Variants in GPR37 observed in about 807,000 individuals in gnomAD.
The protein encoded by GPR37 is G protein-coupled receptor 37, also known as prosaposin receptor GPR37.
GPR37 carries 20 observed loss-of-function variants against 43.6 expected under a neutral mutation model. The observed-to-expected ratio is 0.46, with a 90% CI of 0.32 to 0.67. GPR37 has a LOEUF of 0.67. Among genes scored for constraint, GPR37 ranks in the 30% least tolerant of loss-of-function variants. The pLI is 0.03. For synonymous variants in GPR37, 315 were observed against 322.6 expected, an observed-to-expected ratio of 0.98 and a Z score of 0.25; for missense variants, 724 against 797.2, an observed-to-expected ratio of 0.91 and a Z score of 1.11.
intron 1 of GPR37, among the ~76,000 whole-genome samples, chr7:124,754,775 A>G (rs1020495163): frequency 6.6e-6 from 1 of 152,134 alleles, no homozygotes; most frequent in Non-Finnish European, 1.5e-5. Flanking sequence ...ATGATAACCT[A>G]TTATGTCAGT....
chr7:124,751,013 A>G (rs1793724362), intron 1 of GPR37, among the ~76,000 whole-genome samples: 1 of 152,154 alleles, frequency 6.6e-6, no homozygotes, highest in South Asian at 2.1e-4. Context: ...AGTCTTTTTG[A>G]TAAATCATGA....
At chr7:124,749,861 A>T (rs1201094450) in intron 1 of GPR37, among the ~76,000 whole-genome samples, 1 of 152,134 alleles carries the variant, frequency 6.6e-6, no homozygotes, top group Non-Finnish European at 1.5e-5. Context: ...ATTTTTCAGA[A>T]TGTCTCCCAT....
chr7:124,755,077 G>A (rs2116318686), intron 1 of GPR37, among the ~76,000 whole-genome samples: 1 of 152,126 alleles, frequency 6.6e-6, no homozygotes, highest in Non-Finnish European at 1.5e-5. Flanking sequence ...ACTTCGATTA[G>A]CATTTCTAAA....
At chr7:124,761,399 A>G (rs1584727050) in intron 1 of GPR37, among the ~76,000 whole-genome samples, 1 of 152,218 alleles carries the variant, frequency 6.6e-6, no homozygotes, top group South Asian at 2.1e-4. Context: ...TGACTGGTCC[A>G]TAAAGAGATG....
Position 124,745,192 on chromosome 7 carries a change from CAGAAACTACGTTTTCCCAGCA to C in GPR37, c.*1312_*1332del, listed in dbSNP as rs905672604. The stretch of plus-strand genomic sequence containing the variant: ...GCCGAGTAGAACAGAAATCAACAAG[CAGAAACTACGTTTTCCCAGCA>C]AGAAAACTGGGTTCTCTATAACAAG... On this transcript the variant is annotated 3_prime_UTR_variant, in exon 2 of 2. Transcript: ENST00000303921. Among the ~76,000 whole-genome samples, 1 of 152,136 alleles carries C rather than the reference CAGAAACTACGTTTTCCCAGCA, an allele frequency of 6.6e-6. No homozygotes were observed. Among genetic ancestry groups the C allele is most frequent in the Non-Finnish European group, 1.5e-5 (1 of 68,018 alleles).
intron 1 of GPR37, 94 bp downstream of exon 1, chr7:124,763,860 T>G: frequency 9.3e-7 from 1 of 1,072,690 alleles, no homozygotes; most frequent in Non-Finnish European, 1.4e-6. Flanking sequence ...GGAAAGGCGT[T>G]CAGCTAGATA....
At position 124,764,900 on chromosome 7, in the gene GPR37, G is replaced by C; in HGVS notation, c.77C>G (p.Ser26Cys). Residue 26 changes from serine to cysteine, a missense_variant, in exon 1 of 2, where the codon TCT becomes TGT. By Grantham distance (112) the Ser-to-Cys change is moderately radical (BLOSUM62 -1). Transcript: ENST00000303921. This position sits in a 1 kb window ranked among gnomAD's most constrained non-coding sequence, Gnocchi z 5.4. ...LLLLLKVSASSALGVAPASRN... is the reference protein window; with the variant it reads ...LLLLLKVSASCALGVAPASRN... ...GGACGCAGGGGCGACCCCGAGGGCA[G>C]AAGAGGCAGACACCTTGAGCAGTAG... The C allele has an allele frequency of 1.9e-6, 3 of 1,602,102 alleles. No individual in the cohort carries two copies. Among genetic ancestry groups the C allele is most frequent in the Non-Finnish European group, 1.7e-6 (2 of 1,175,026 alleles).
chr7:124,763,623 C>T (rs1393542139), intron 1 of GPR37, among the ~76,000 whole-genome samples: 1 of 151,028 alleles, frequency 6.6e-6, no homozygotes, highest in African/African-American at 2.4e-5. Flanking sequence ...TGGCCATTTA[C>T]TTAACCCTAA....
At chr7:124,763,575 T>C (rs1250962838) in intron 1 of GPR37, among the ~76,000 whole-genome samples, 2 of 151,898 alleles carry the variant, frequency 1.3e-5, no homozygotes, top group Non-Finnish European at 2.9e-5. Context: ...ATGTTTTTTT[T>C]TTTTTCCTTG....
Position 124,746,504 on chromosome 7 carries a change from G to A in GPR37, c.*21C>T. 2.0e-6 allele frequency: 3 copies of A among 1,499,214 alleles called. No homozygotes were observed. Among genetic ancestry groups the A allele is most frequent in the Non-Finnish European group, 2.7e-6 (3 of 1,114,022 alleles). The allele number at this position is 1,499,214 out of a possible 1,614,324, so 92.9% of individuals were successfully genotyped here. On this transcript the variant is annotated 3_prime_UTR_variant, in exon 2 of 2. Transcript: ENST00000303921. ...ATATGAAAATCAAACAAATAAATCT[G>A]ACCCAACCAAGTACTGTCCTTCAGC...
chr7:124,752,096 A>G (rs747856601), intron 1 of GPR37, among the ~76,000 whole-genome samples: 2 of 152,154 alleles, frequency 1.3e-5, no homozygotes, highest in Non-Finnish European at 2.9e-5. Flanking sequence ...TTTGTGTCCC[A>G]GAGTAACAAC....
intron 1 of GPR37, among the ~76,000 whole-genome samples, chr7:124,754,266 A>G (rs1243408959): frequency 6.6e-6 from 1 of 152,144 alleles, no homozygotes; most frequent in Non-Finnish European, 1.5e-5. Context: ...TTCATTCAAA[A>G]TGATATGAAG....
Position 124,762,131 on chromosome 7 carries a change from T to C in GPR37, c.1023+1823A>G, listed in dbSNP as rs142210345. 3.1e-3 allele frequency among the ~76,000 whole-genome samples: 473 copies of C among 152,158 alleles called. 8 individuals carry two copies. The highest frequency in any genetic ancestry group is 0.01 in the African/African-American group (426 of 41,520). ...AGTGAAATACAAATGAAAGAAAGTA[T>C]TACATTTGTACAAACTCAGAATTAC... On this transcript the variant is annotated intron_variant, in intron 1 of 1. Coordinates refer to ENST00000303921, the MANE Select transcript of GPR37 (RefSeq NM_005302.5).
At chr7:124,754,065 T>TA (rs1053376805) in intron 1 of GPR37, among the ~76,000 whole-genome samples, 18 of 151,792 alleles carry the variant, frequency 1.2e-4, no homozygotes, top group East Asian at 1.9e-4. Context: ...AGGTTTCTCT[T>TA]AAAAAAAATA....
At chr7:124,748,630 A>C (rs1485698558) in intron 1 of GPR37, among the ~76,000 whole-genome samples, 2 of 152,158 alleles carry the variant, frequency 1.3e-5, no homozygotes, top group African/African-American at 4.8e-5. Context: ...ACTAAAATAG[A>C]ACATGTAAAA....
chr7:124,755,653 G>A (rs1465477143), intron 1 of GPR37, among the ~76,000 whole-genome samples: 2 of 152,124 alleles, frequency 1.3e-5, no homozygotes, highest in African/African-American at 4.8e-5. Context: ...TGTAAATGAA[G>A]CAAGATTAGC....
At chr7:124,748,623 A>G (rs1793700898) in intron 1 of GPR37, among the ~76,000 whole-genome samples, 1 of 152,130 alleles carries the variant, frequency 6.6e-6, no homozygotes, top group Non-Finnish European at 1.5e-5. Context: ...AGGAGATACT[A>G]AAATAGAACA....
chr7:124,755,190 C>T (rs1793778262), intron 1 of GPR37, among the ~76,000 whole-genome samples: 1 of 152,128 alleles, frequency 6.6e-6, no homozygotes, highest in Non-Finnish European at 1.5e-5. Flanking sequence ...CACTGTTCCA[C>T]AGTCAAAGAG....
intron 1 of GPR37, among the ~76,000 whole-genome samples, chr7:124,753,915 C>A (rs1275523623): frequency 6.6e-6 from 1 of 152,018 alleles, no homozygotes; most frequent in Non-Finnish European, 1.5e-5. Flanking sequence ...CTACTTTATA[C>A]CCCGATGAGA....
Sources: allele counts gnomAD v4.1 joint callset (sites outside exome capture counted in the v4.1 genomes callset), GRCh38; gene constraint gnomAD v4.1.1; non-coding constraint Gnocchi (gnomAD v3.1); transcripts MANE v1.5; gene names NCBI Gene and HGNC (gene_info 2026-07-23, HGNC 2026-07-21).